Variants in NEO1 observed in about 807,000 individuals in gnomAD.
The protein encoded by NEO1 is neogenin.
Under a neutral mutation model 159.7 loss-of-function variants are expected in NEO1, and 63 were observed. The observed-to-expected ratio is 0.39, with a 90% CI of 0.32 to 0.49. The LOEUF (loss-of-function observed/expected upper bound fraction) is 0.49, where lower values mean the gene tolerates loss of function less well. Ranked by LOEUF, NEO1 falls within the 20% of genes least tolerant of loss-of-function variation. The probability of loss-of-function intolerance (pLI) is 0.85; values close to 1 mark genes in which losing one functional copy is unlikely to be tolerated. For missense variants in NEO1, 1,615 were observed against 1,831.0 expected (o/e 0.88, Z 2.15); for synonymous variants, 633 against 662.0 (o/e 0.96, Z 0.67).
Position 73,283,022 on chromosome 15 carries a change from C to A in NEO1, c.3321C>A (p.Val1107=). The change falls in exon 23 of 29, where the codon GTC becomes GTA. Residue 1107 remains valine, a synonymous_variant. Transcript: ENST00000261908. ...TSPLDSNMLL[V]IIVSVGVITI... ...CTCTGGACAGTAATATGCTGCTGGT[C>A]ATAATTGTTTCTGTTGGCGTCATCA... is the stretch of plus-strand genomic sequence containing the variant. 6.2e-7 allele frequency: 1 copy of A among 1,614,170 alleles called. No individual in the cohort carries two copies. Among genetic ancestry groups the A allele is most frequent in the South Asian group, 1.1e-5 (1 of 91,076 alleles).
At chr15:73,084,586 G>T (rs1467912395) in intron 1 of NEO1, among the ~76,000 whole-genome samples, 1 of 152,084 alleles carries the variant, frequency 6.6e-6, no homozygotes, top group African/African-American at 2.4e-5. Flanking sequence ...CTTGGCTATT[G>T]TGAATAATGC....
At chr15:73,213,384 C>T (rs2037692430) in intron 7 of NEO1, among the ~76,000 whole-genome samples, 1 of 152,158 alleles carries the variant, frequency 6.6e-6, no homozygotes, top group South Asian at 2.1e-4. Context: ...GAACAGTATA[C>T]AATGCACCAT....
chr15:73,060,825 A>G (rs1347048483), intron 1 of NEO1, among the ~76,000 whole-genome samples: 2 of 150,750 alleles, frequency 1.3e-5, no homozygotes, highest in African/African-American at 4.9e-5. Flanking sequence ...TTTTTTGGGT[A>G]TTTTTGTACA....
chr15:73,138,742 C>T (rs925470931), intron 5 of NEO1, among the ~76,000 whole-genome samples: 9 of 143,092 alleles, frequency 6.3e-5, no homozygotes, highest in Admixed American at 2.1e-4. Flanking sequence ...GGCGACAGAG[C>T]GAGACTCCGT....
chr15:73,121,305 T>C (rs2071629831), intron 2 of NEO1, among the ~76,000 whole-genome samples: 1 of 152,144 alleles, frequency 6.6e-6, no homozygotes, highest in Admixed American at 6.5e-5. Flanking sequence ...TAGATATAAC[T>C]TGGTTTTTCC....
In NEO1 at chr15:73,270,113, T is replaced by G. The variant is rs1336500999; in HGVS notation, c.2598T>G (p.Ser866Arg). ...TGGGAGTTCAGGCTTCCATTCTGAG[T>G]CATGACACCATCAGGATTACGTGGG... ...PPVGVQASIL[S>R]HDTIRITWAD... Residue 866 changes from serine to arginine, a missense_variant, in exon 17 of 29, where the codon AGT becomes AGG. This residue lies in a region of NEO1 where 1,018 missense variants were observed against 1,115.4 expected (regional missense o/e 0.91). Transcript: ENST00000261908. 1 of 1,614,106 alleles carries G rather than the reference T, an allele frequency of 6.2e-7. No homozygotes were observed. The highest frequency in any genetic ancestry group is 8.5e-7 in the Non-Finnish European group (1 of 1,180,014).
intron 20 of NEO1, among the ~76,000 whole-genome samples, chr15:73,274,387 T>C (rs1308733637): frequency 6.6e-6 from 1 of 152,170 alleles, no homozygotes; most frequent in East Asian, 1.9e-4. Flanking sequence ...AAAGACTTAT[T>C]TGTGGACGTT....
intron 5 of NEO1, among the ~76,000 whole-genome samples, chr15:73,159,288 G>A (rs1209479517): frequency 3.9e-5 from 6 of 152,100 alleles, no homozygotes; most frequent in African/African-American, 2.4e-5. Flanking sequence ...ATTTGTTTTT[G>A]CTGCATTTTG....
chr15:73,251,513 CA>C (rs35979398), intron 11 of NEO1, among the ~76,000 whole-genome samples: 42,343 of 94,398 alleles, frequency 0.45, 6,566 homozygotes, highest in Admixed American at 0.53. Flanking sequence ...GAAGCTGTCT[CA>C]AAAAAAAAAA....
chr15:73,172,253 G>A (rs2035021380), intron 5 of NEO1, among the ~76,000 whole-genome samples: 1 of 152,142 alleles, frequency 6.6e-6, no homozygotes. Flanking sequence ...TCAAAATCCA[G>A]ATCTGTCACT....
intron 5 of NEO1, among the ~76,000 whole-genome samples, chr15:73,164,625 T>G (rs2034443977): frequency 6.6e-6 from 1 of 152,204 alleles, no homozygotes; most frequent in South Asian, 2.1e-4. Flanking sequence ...TTTGGTAATA[T>G]TTACCAAAAT....
At chr15:73,095,751 C>G (rs866964127) in intron 1 of NEO1, among the ~76,000 whole-genome samples, 2 of 151,410 alleles carry the variant, frequency 1.3e-5, no homozygotes, top group Admixed American at 6.6e-5. Context: ...ATTATTGAAG[C>G]CTAAATGTCC....
intron 7 of NEO1, among the ~76,000 whole-genome samples, chr15:73,223,414 A>G (rs1376780217): frequency 2.6e-5 from 4 of 152,152 alleles, no homozygotes; most frequent in African/African-American, 4.8e-5. Context: ...GTTGCTGTCT[A>G]TCACATTTCT....
At chr15:73,124,419 T>C (rs1391652022) in intron 3 of NEO1, among the ~76,000 whole-genome samples, 1 of 152,162 alleles carries the variant, frequency 6.6e-6, no homozygotes, top group Non-Finnish European at 1.5e-5. Flanking sequence ...CTAATGGTTT[T>C]CCATGTCATT....
chr15:73,154,329 C>A (rs2033614604), intron 5 of NEO1, among the ~76,000 whole-genome samples: 1 of 152,166 alleles, frequency 6.6e-6, no homozygotes, highest in Non-Finnish European at 1.5e-5. Context: ...ATCACCCAAG[C>A]ATTTATCCTT....
At chr15:73,088,393 A>C (rs2069484980) in intron 1 of NEO1, among the ~76,000 whole-genome samples, 1 of 152,020 alleles carries the variant, frequency 6.6e-6, no homozygotes, top group South Asian at 2.1e-4. Context: ...TATCAAGGAG[A>C]GAAATGCAGG....
rs9806476 is a variant in NEO1 at position 73,198,069 on chromosome 15, G to A, written c.1291+19642G>A. Among the ~76,000 whole-genome samples, 1,307 of 152,172 alleles carry A rather than the reference G, an allele frequency of 8.6e-3. 23 individuals carry two copies. The highest frequency in any genetic ancestry group is 0.03 in the African/African-American group (1,235 of 41,520). ...TTCTTTTGTTTTAGGGTTATCAACT[G>A]TAGACCACTTTATACTTACTGTCCT... On this transcript the variant is annotated intron_variant, in intron 7 of 28. Coordinates refer to ENST00000261908, the MANE Select transcript of NEO1 (RefSeq NM_002499.4).
chr15:73,168,837 G>C (rs542699184), intron 5 of NEO1, among the ~76,000 whole-genome samples: 1 of 151,750 alleles, frequency 6.6e-6, no homozygotes, highest in South Asian at 2.1e-4. Context: ...ATCCCTGAAG[G>C]GATTTCACAC....
chr15:73,160,736 T>C (rs2034113347), intron 5 of NEO1, among the ~76,000 whole-genome samples: 1 of 152,202 alleles, frequency 6.6e-6, no homozygotes, highest in Admixed American at 6.5e-5. Flanking sequence ...GGACTTTCCA[T>C]GTCCTCTCTG....
Sources: allele counts gnomAD v4.1 joint callset (sites outside exome capture counted in the v4.1 genomes callset), GRCh38; gene constraint gnomAD v4.1.1; regional missense constraint gnomAD v4.1.1; transcripts MANE v1.5; gene names NCBI Gene and HGNC (gene_info 2026-07-23, HGNC 2026-07-21).